The following RHD variants were observed in gnomAD, a reference collection of about 807,000 sequenced individuals.
The protein encoded by RHD is Rh blood group D antigen, also known as blood group Rh(D) polypeptide.
A neutral mutation model predicts 45.5 loss-of-function variants in RHD; 16 were observed. That is an observed-to-expected ratio of 0.35 (90% CI 0.24 to 0.53). The LOEUF (loss-of-function observed/expected upper bound fraction) is 0.53. Ranked by LOEUF, RHD falls within the 20% of genes least tolerant of loss-of-function variation. RHD has a pLI of 0.92. For synonymous variants in RHD, 131 were observed against 217.5 expected (o/e 0.60, Z 3.50); for missense variants, 306 against 532.0 (o/e 0.58, Z 4.18).
chr1:25,291,325 T>C (rs1034990774), intron 3 of RHD, among the ~76,000 whole-genome samples: 1 of 129,746 alleles, frequency 7.7e-6, no homozygotes, highest in African/African-American at 2.6e-5. Context: ...AAAATTTAGC[T>C]GGGCATGGTG....
intron 6 of RHD, among the ~76,000 whole-genome samples, chr1:25,305,037 A>T (rs1412286185): frequency 7.5e-6 from 1 of 132,740 alleles, no homozygotes. Flanking sequence ...GCTATAGTTT[A>T]GTGAGCGAAA....
At chr1:25,284,343 A>G (rs1189301865) in intron 1 of RHD, among the ~76,000 whole-genome samples, 1 of 135,796 alleles carries the variant, frequency 7.4e-6, no homozygotes, top group African/African-American at 2.5e-5. Flanking sequence ...TAAGTGCTTA[A>G]TTAGCTTTAG....
Position 25,323,574 on chromosome 1 carries a change from C to T in RHD, c.1227+1612C>T, listed in dbSNP as rs1211786849. The stretch of plus-strand genomic sequence containing the variant: ...CCCCAGGCTCAGGAGATCCTCCCCC[C>T]TCAGCCTCCTGAGTAGCTAGGACCA... On this transcript the variant is annotated intron_variant, in intron 9 of 9. Transcript: ENST00000328664. 2.4e-5 allele frequency among the ~76,000 whole-genome samples: 3 copies of T among 125,900 alleles called. No individual in the cohort carries two copies. In the East Asian group the frequency reaches 6.0e-4, roughly 25 times the overall value. 82.6% of individuals were successfully genotyped at this position (125,900 alleles called of 152,430 possible).
chr1:25,300,963 C>T lies in RHD; in HGVS notation c.504C>T (p.Asn168=), dbSNP rs1643340031. The change falls in exon 4 of 10, where the codon AAC becomes AAT. Residue 168 remains asparagine, a synonymous_variant. Coordinates refer to ENST00000328664, the MANE Select transcript of RHD (RefSeq NM_016124.6). ...TATTGCAGACAGACTACCACATGAACATGATGCACATCTACGTGTTCGCAG... is the reference window on the plus strand; with the variant it reads ...TATTGCAGACAGACTACCACATGAATATGATGCACATCTACGTGTTCGCAG... ...SNIFNTDYHM[N]MMHIYVFAAY... The T allele has an allele frequency of 1.5e-6, 2 of 1,378,680 alleles. No individual in the cohort carries two copies. The highest frequency in any genetic ancestry group is 1.8e-5 in the Admixed American group (1 of 56,264). 85.4% of individuals were successfully genotyped at this position (1,378,680 alleles called of 1,614,324 possible).
At position 25,293,439 on chromosome 1, in the gene RHD, A is replaced by G. The variant is rs1478491312; in HGVS notation, c.486+2648A>G. ...TTAGAGATTCCCATTGTGCGGAAAT[A>G]ACAATTTATTACTTATAGTTTTATA... On this transcript the variant is annotated intron_variant, in intron 3 of 9. Transcript: ENST00000328664. Among the ~76,000 whole-genome samples the G allele has an allele frequency of 1.3e-4, 17 of 130,964 alleles. 4 individuals are homozygous for G. The highest frequency in any genetic ancestry group is 4.4e-4 in the African/African-American group (17 of 38,526). The allele number at this position is 130,964 out of a possible 152,430, so 85.9% of individuals were successfully genotyped here. A position where few individuals can be genotyped will look rare whatever the true frequency, so the allele number is the denominator to read the frequency against.
chr1:25,283,655 AC>A (rs1470488336), intron 1 of RHD, among the ~76,000 whole-genome samples: 2 of 133,944 alleles, frequency 1.5e-5, no homozygotes, highest in Admixed American at 1.4e-4. Context: ...GGTTGTGAGA[AC>A]GAAACAAGAT....
intron 2 of RHD, among the ~76,000 whole-genome samples, chr1:25,286,687 G>A (rs2124629616): frequency 7.4e-6 from 1 of 134,320 alleles, no homozygotes; most frequent in East Asian, 1.9e-4. Flanking sequence ...TCGGGAGGCT[G>A]AGGCAGGAGA....
At position 25,274,742 on chromosome 1, in the gene RHD, C is replaced by T. The variant is rs1243033659; in HGVS notation, c.148+2047C>T. Among the ~76,000 whole-genome samples the T allele has an allele frequency of 2.2e-5, 3 of 134,198 alleles. 1 individual carries two copies. The highest frequency in any genetic ancestry group is 7.2e-5 in the Admixed American group (1 of 13,892). 88.0% of individuals were successfully genotyped at this position (134,198 alleles called of 152,430 possible). A position where few individuals can be genotyped will look rare whatever the true frequency, so the allele number is the denominator to read the frequency against. On this transcript the variant is annotated intron_variant, in intron 1 of 9. Transcript: ENST00000328664. ...AAACAAAGGGCCGGGCGACGTGGCT[C>T]ACGCCTGTAATCCCGGCACATTGGG...
At chr1:25,286,790 A>G (rs1377350456) in intron 2 of RHD, among the ~76,000 whole-genome samples, 5 of 132,378 alleles carry the variant, frequency 3.8e-5, no homozygotes, top group Non-Finnish European at 7.1e-5. Context: ...CGTCTCAAAA[A>G]AAAAAAACAA....
In RHD at chr1:25,284,464, C is replaced by T. The variant is rs1163866083; in HGVS notation, c.149-109C>T. 2.2e-5 allele frequency: 23 copies of T among 1,060,924 alleles called. 3 individuals carry two copies. Among genetic ancestry groups the T allele is most frequent in the South Asian group, 3.9e-5 (3 of 76,268 alleles). The allele number at this position is 1,060,924 out of a possible 1,614,324, so 65.7% of individuals were successfully genotyped here. ...AGTAACTTGACCAAATACTTGTAAA[C>T]GATCTTGCATGCCCCTTCCAGCTGC... On this transcript the variant is annotated intron_variant, in intron 1 of 9. Transcript: ENST00000328664.
At chr1:25,324,675 G>A (rs1644878538) in intron 9 of RHD, among the ~76,000 whole-genome samples, 1 of 149,498 alleles carries the variant, frequency 6.7e-6, no homozygotes, top group Non-Finnish European at 1.5e-5. Context: ...CATATTGCAA[G>A]CCTACAGTTT....
At chr1:25,308,085 T>C (rs376112497) in intron 7 of RHD, among the ~76,000 whole-genome samples, 2,757 of 123,046 alleles carry the variant, frequency 0.022, 255 homozygotes, top group African/African-American at 0.052. Context: ...CTTGCACCCA[T>C]CATCACAGTG....
At chr1:25,303,141 G>A (rs1372670508) in intron 5 of RHD, among the ~76,000 whole-genome samples, 181 bp from the exon 6 acceptor site, 1 of 131,728 alleles carries the variant, frequency 7.6e-6, no homozygotes, top group Non-Finnish European at 1.8e-5. Flanking sequence ...GTAGTGAGCT[G>A]GCCCATCATG....
At position 25,302,458 on chromosome 1, in the gene RHD, G is replaced by A. The variant is rs1438577659; in HGVS notation, c.801+772G>A. Among the ~76,000 whole-genome samples the A allele has an allele frequency of 1.5e-5, 2 of 129,626 alleles. 1 individual carries two copies. The highest frequency in any genetic ancestry group is 3.6e-5 in the Non-Finnish European group (2 of 55,064). 85.0% of individuals were successfully genotyped at this position (129,626 alleles called of 152,430 possible). ...GCTTCACAGCAGAATTCAGTGCTAA[G>A]AGGAAGTGAGTGGCCATGAGTTCCA... is the stretch of plus-strand genomic sequence containing the variant. On this transcript the variant is annotated intron_variant, in intron 5 of 9. Transcript: ENST00000328664.
chr1:25,275,768 A>G lies in RHD; in HGVS notation c.148+3073A>G, dbSNP rs1032458721. 3.8e-5 allele frequency among the ~76,000 whole-genome samples: 5 copies of G among 132,156 alleles called. 2 individuals carry two copies. The highest frequency in any genetic ancestry group is 2.9e-4 in the Admixed American group (4 of 13,592). 86.7% of individuals were successfully genotyped at this position (132,156 alleles called of 152,430 possible). A position where few individuals can be genotyped will look rare whatever the true frequency, so the allele number is the denominator to read the frequency against. ...AGTTGACGATAGTGGATGAAAATTCACTCCTCAGAGTCTTCTTGATAATTT... is the reference window on the plus strand; with the variant it reads ...AGTTGACGATAGTGGATGAAAATTCGCTCCTCAGAGTCTTCTTGATAATTT... On this transcript the variant is annotated intron_variant, in intron 1 of 9. Transcript: ENST00000328664.
chr1:25,290,590 T>C (rs1340414745), intron 2 of RHD, 51 bp from the exon 3 acceptor site: 1 of 1,248,578 alleles, frequency 8.0e-7, no homozygotes, highest in Admixed American at 1.8e-5. Context: ...AATGAATGAG[T>C]GAGAGGCATC....
rs765244090 is a variant in RHD, at chr1:25,284,567, G to C, written c.149-6G>C. The C allele has an allele frequency of 7.2e-7, 1 of 1,388,648 alleles. No homozygotes were observed. The allele number at this position is 1,388,648 out of a possible 1,614,324, so 86.0% of individuals were successfully genotyped here. A position where few individuals can be genotyped will look rare whatever the true frequency, so the allele number is the denominator to read the frequency against. On this transcript the variant is annotated splice_region_variant and splice_polypyrimidine_tract_variant and intron_variant, in intron 1 of 9. Transcript: ENST00000328664. Reference sequence around the variant, plus strand: ...TCGTCCTTCTCGCCATCTCCCCACCGAGCAGTTGGCCAAGATCTGACCGTG... The same window carrying C: ...TCGTCCTTCTCGCCATCTCCCCACCCAGCAGTTGGCCAAGATCTGACCGTG...
At chr1:25,322,348 A>C (rs966708770) in intron 9 of RHD, among the ~76,000 whole-genome samples, 1 of 132,770 alleles carries the variant, frequency 7.5e-6, no homozygotes, top group Non-Finnish European at 1.8e-5. Flanking sequence ...CTTTTTTGAC[A>C]GATGCTAAGA....
At chr1:25,290,034 G>C (rs550908044) in intron 2 of RHD, among the ~76,000 whole-genome samples, 1 of 125,370 alleles carries the variant, frequency 8.0e-6, no homozygotes, top group Non-Finnish European at 1.9e-5. Flanking sequence ...CATGGGATAC[G>C]TTTGATCATC....
Sources: allele counts gnomAD v4.1 joint callset (sites outside exome capture counted in the v4.1 genomes callset), GRCh38; gene constraint gnomAD v4.1.1; transcripts MANE v1.5; gene names NCBI Gene and HGNC (gene_info 2026-07-23, HGNC 2026-07-21).